The following RMDN2 variants were observed in gnomAD, a reference collection of about 807,000 sequenced individuals.
RMDN2 encodes regulator of microtubule dynamics protein 2.
Under a neutral mutation model 52.8 loss-of-function variants are expected in RMDN2, and 61 were observed. That is an observed-to-expected ratio of 1.16 (90% CI 0.94 to 1.43). The LOEUF is 1.43. Among genes scored for constraint, RMDN2 ranks in the 40% most tolerant of loss-of-function variants. RMDN2 has a pLI of 0.00. For missense variants in RMDN2, 592 were observed against 475.3 expected, an observed-to-expected ratio of 1.25 and a Z score of -2.28; for synonymous variants, 180 against 153.1, an observed-to-expected ratio of 1.18 and a Z score of -1.30.
Position 37,974,054 on chromosome 2 carries a change from A to G in RMDN2, c.467A>G (p.Asn156Ser). ...TGCGATTTTAGGTATATTACAGCTA[A>G]TACTGACACAGAAGAACAGAGTTTT... ...AESEGGYITA[N>S]TDTEEQSFPV... is the part of the protein sequence containing the mutation. The change falls in exon 3 of 11, where the codon AAT (asparagine) becomes AGT (serine). Residue 156 changes from asparagine (N) to serine (S), a missense_variant. By Grantham distance (46) the Asn-to-Ser change is conservative. Transcript: ENST00000354545. The G allele has an allele frequency of 1.2e-6, 2 of 1,610,140 alleles. No individual in the cohort carries two copies. The highest frequency in any genetic ancestry group is 2.2e-5 in the East Asian group (1 of 44,610).
At chr2:38,049,638 T>C (rs1681470570) in intron 10 of RMDN2, among the ~76,000 whole-genome samples, 1 of 152,214 alleles carries the variant, frequency 6.6e-6, no homozygotes. Context: ...AGTGGTATAA[T>C]CATAGCTTAC....
At chr2:37,983,463 C>G (rs768993232) in intron 5 of RMDN2, among the ~76,000 whole-genome samples, 1 of 152,078 alleles carries the variant, frequency 6.6e-6, no homozygotes, top group Non-Finnish European at 1.5e-5. Context: ...AGTATTAAAT[C>G]TTATCAAAAC....
upstream of RMDN2, among the ~76,000 whole-genome samples, chr2:37,922,023 C>T (rs1325183905): frequency 1.3e-5 from 2 of 152,166 alleles, no homozygotes; most frequent in African/African-American, 4.8e-5. Flanking sequence ...CTTCCTCTGC[C>T]CCTGCTCTTT....
rs530431717 is a variant in RMDN2 at position 38,013,089 on chromosome 2, C to G, written c.1180-4097C>G. On this transcript the variant is annotated intron_variant, in intron 10 of 10. Transcript: ENST00000354545. ...ACAGTATTTTTATTATTCATGTGGA[C>G]TTTTCTTGACCCTAGGAAAGTAATC... is the stretch of plus-strand genomic sequence containing the variant. 9.2e-5 allele frequency among the ~76,000 whole-genome samples: 14 copies of G among 152,298 alleles called. No homozygotes were observed. In the South Asian group the frequency reaches 2.1e-3, roughly 23 times the overall value.
intron 2 of RMDN2, among the ~76,000 whole-genome samples, chr2:37,960,006 A>C (rs1343735945): frequency 6.6e-6 from 1 of 152,140 alleles, no homozygotes; most frequent in Non-Finnish European, 1.5e-5. Flanking sequence ...CTGTGGTCTG[A>C]GAGACTGTTA....
intron 6 of RMDN2, among the ~76,000 whole-genome samples, chr2:37,990,152 A>C (rs1674583635): frequency 6.6e-6 from 1 of 151,274 alleles, no homozygotes; most frequent in Admixed American, 6.6e-5. Context: ...GAAAAAAAAA[A>C]AAAAAAAAAA....
At chr2:38,007,958 T>C (rs1420801593) in intron 10 of RMDN2, among the ~76,000 whole-genome samples, 4 of 152,240 alleles carry the variant, frequency 2.6e-5, no homozygotes, top group Non-Finnish European at 4.4e-5. Flanking sequence ...TTCATTTCTT[T>C]ATGTACCCAG....
chr2:37,942,816 A>T (rs935059739), intron 2 of RMDN2, among the ~76,000 whole-genome samples: 16 of 152,194 alleles, frequency 1.1e-4, no homozygotes, highest in Non-Finnish European at 2.2e-4. Context: ...TGAACTCTGG[A>T]GATCTAGCAG....
upstream of RMDN2, among the ~76,000 whole-genome samples, chr2:37,922,987 C>T (rs1004551279): frequency 2.6e-5 from 4 of 152,324 alleles, no homozygotes; most frequent in Admixed American, 2.0e-4. Flanking sequence ...AGGGTCTGTA[C>T]CCACTCCTCC....
At chr2:38,062,716 A>G (rs1444001740) in intron 10 of RMDN2, among the ~76,000 whole-genome samples, 13 of 151,888 alleles carry the variant, frequency 8.6e-5, no homozygotes. Context: ...TGCTGCACCC[A>G]TTAACTTGTC....
intron 7 of RMDN2, among the ~76,000 whole-genome samples, chr2:37,996,937 A>T (rs1277830475): frequency 2.0e-5 from 3 of 152,168 alleles, no homozygotes; most frequent in African/African-American, 7.2e-5. Context: ...CTATTTACAT[A>T]TCTGAGATGC....
chr2:38,040,058 ATTATT>A (rs1230558159), intron 10 of RMDN2, among the ~76,000 whole-genome samples: 2 of 145,888 alleles, frequency 1.4e-5, no homozygotes, highest in African/African-American at 5.1e-5. Context: ...TATTATTATT[ATTATT>A]ATTATTATTA....
At position 38,017,554 on chromosome 2, in the gene RMDN2, G is replaced by T. The variant is rs1236593335; in HGVS notation, c.*315G>T. ...TAAATCCAATAAAATGAATTCTCAT[G>T]AATATTTTATTGTTTCAATGGAGAC... On this transcript the variant is annotated 3_prime_UTR_variant, in exon 11 of 11. Coordinates refer to ENST00000354545, the MANE Select transcript of RMDN2 (RefSeq NM_001170791.3). 8.6e-6 allele frequency: 10 copies of T among 1,160,514 alleles called. No individual in the cohort carries two copies. The East Asian group carries it at 3.9e-4, about 46-fold the overall frequency. The allele number at this position is 1,160,514 out of a possible 1,614,324, so 71.9% of individuals were successfully genotyped here.
Position 38,060,798 on chromosome 2 carries a change from G to C in RMDN2, c.1714-6184G>C, listed in dbSNP as rs1682013583. Reference sequence around the variant, plus strand: ...TGTGGGGTTAAACAATAAAGTTAGAGACAGCCAGGAAAGCATGCTGGGTAC... The same window carrying C: ...TGTGGGGTTAAACAATAAAGTTAGACACAGCCAGGAAAGCATGCTGGGTAC... On this transcript the variant is annotated intron_variant, in intron 10 of 10. Transcript: ENST00000234195. 2.0e-5 allele frequency among the ~76,000 whole-genome samples: 3 copies of C among 147,164 alleles called. No homozygotes were observed. The South Asian group carries it at 6.7e-4, about 33-fold the overall frequency.
chr2:37,944,368 C>G (rs1433941504), intron 2 of RMDN2, among the ~76,000 whole-genome samples: 3 of 151,488 alleles, frequency 2.0e-5, no homozygotes, highest in African/African-American at 4.8e-5. Flanking sequence ...GCTCTGAGGA[C>G]CATACAGTCT....
chr2:38,045,879 T>C (rs140197478), intron 10 of RMDN2, among the ~76,000 whole-genome samples: 19 of 152,300 alleles, frequency 1.2e-4, no homozygotes, highest in African/African-American at 3.8e-4. Context: ...CAACAAGTGT[T>C]GCCGTAAATT....
intron 2 of RMDN2, among the ~76,000 whole-genome samples, chr2:37,955,847 T>C (rs1305749984): frequency 6.6e-6 from 1 of 152,174 alleles, no homozygotes; most frequent in Non-Finnish European, 1.5e-5. Context: ...AATACAGGTA[T>C]ATTACATTGG....
intron 5 of RMDN2, among the ~76,000 whole-genome samples, chr2:37,986,267 A>G (rs1370515195): frequency 6.6e-6 from 1 of 152,208 alleles, no homozygotes; most frequent in Non-Finnish European, 1.5e-5. Flanking sequence ...GTGAGTAGAT[A>G]ATTTGAATAG....
chr2:38,021,109 A>G (rs2125257359), downstream of RMDN2, among the ~76,000 whole-genome samples: 1 of 152,278 alleles, frequency 6.6e-6, no homozygotes, highest in South Asian at 2.1e-4. Context: ...TTGTGAATGC[A>G]CCAATCAACA....
Sources: gnomAD v4.1 joint callset for allele counts (sites outside exome capture counted in the v4.1 genomes callset) on GRCh38, gnomAD v4.1.1 for gene constraint, MANE v1.5 for transcripts, NCBI Gene and HGNC (gene_info 2026-07-23, HGNC 2026-07-21) for gene names.